Variants in C10orf53 observed in about 807,000 individuals in gnomAD.
C10orf53 encodes UPF0728 protein C10orf53.
C10orf53 carries 8 observed loss-of-function variants against 9.4 expected under a neutral mutation model. The ratio of observed to expected loss-of-function variants is 0.85; its 90% CI spans 0.50 to 1.53. C10orf53 has a LOEUF of 1.53. Among genes scored for constraint, C10orf53 ranks in the 40% most tolerant of loss-of-function variants. The probability of loss-of-function intolerance (pLI) is 0.00; values close to 1 mark genes in which losing one functional copy is unlikely to be tolerated. For missense variants in C10orf53, 117 were observed against 117.8 expected (o/e 0.99, Z 0.03); for synonymous variants, 48 against 46.0 (o/e 1.04, Z -0.18).
exon 3 of C10orf53, chr10:49,708,564 C>A (rs770010092): frequency 8.1e-6 from 13 of 1,614,202 alleles, no homozygotes; most frequent in Non-Finnish European, 1.0e-5. Flanking sequence ...TTGGCCAGGC[C>A]TGGATCACAT....
chr10:49,682,788 C>T (rs1202710673), intron 1 of C10orf53, among the ~76,000 whole-genome samples: 2 of 151,598 alleles, frequency 1.3e-5, no homozygotes, highest in African/African-American at 4.9e-5. Context: ...CAAGTCCCCA[C>T]CCGACCCAGA....
At chr10:49,690,378 CAG>C (rs1162462987) in intron 1 of C10orf53, among the ~76,000 whole-genome samples, 2 of 152,214 alleles carry the variant, frequency 1.3e-5, no homozygotes, top group East Asian at 1.9e-4. Context: ...GCACAGCAGG[CAG>C]AGAGTGGTAC....
chr10:49,706,367 G>A (rs914179345), intron 2 of C10orf53, among the ~76,000 whole-genome samples: 1 of 152,202 alleles, frequency 6.6e-6, no homozygotes, highest in African/African-American at 2.4e-5. Context: ...TAAGCAAAAT[G>A]TGGTCTATCC....
At chr10:49,702,290 G>A (rs1334349300), downstream of C10orf53, among the ~76,000 whole-genome samples, 1 of 152,062 alleles carries the variant, frequency 6.6e-6, no homozygotes, top group African/African-American at 2.4e-5. Context: ...AGTTGGGGTG[G>A]TTAATTGTAT....
intron 1 of C10orf53, among the ~76,000 whole-genome samples, chr10:49,680,982 T>C (rs1840474202): frequency 6.6e-6 from 1 of 152,200 alleles, no homozygotes; most frequent in African/African-American, 2.4e-5. Context: ...TTCTTGACTT[T>C]AGCATGGGTT....
At chr10:49,684,037 C>T (rs1220176707) in intron 1 of C10orf53, among the ~76,000 whole-genome samples, 8 of 152,152 alleles carry the variant, frequency 5.3e-5, no homozygotes, top group Non-Finnish European at 1.5e-5. Flanking sequence ...ATGTAAGGGT[C>T]CAAATTCATT....
Position 49,694,650 on chromosome 10 carries a change from C to T in C10orf53, c.*48C>T, listed in dbSNP as rs1840617880. The T allele has an allele frequency of 6.2e-7, 1 of 1,613,558 alleles. No homozygotes were observed. ...CAAGTCGGCACAACAGCAGCTGCCC[C>T]AGCCATTCTATGATGCAGGCAGAAG... On this transcript the variant is annotated 3_prime_UTR_variant, in exon 3 of 3. Coordinates refer to ENST00000374111, the MANE Select transcript of C10orf53 (RefSeq NM_001042427.3).
chr10:49,699,983 G>C (rs113036858), downstream of C10orf53, among the ~76,000 whole-genome samples: 1 of 152,188 alleles, frequency 6.6e-6, no homozygotes, highest in Admixed American at 6.5e-5. Context: ...CTTTGTGAGC[G>C]TGCATGTCCC....
chr10:49,686,938 C>A (rs1424982625), intron 1 of C10orf53, among the ~76,000 whole-genome samples: 2 of 152,186 alleles, frequency 1.3e-5, no homozygotes. Flanking sequence ...GAGTCCCATA[C>A]TGGGAACACA....
At chr10:49,691,119 T>G (rs1686073620) in intron 1 of C10orf53, among the ~76,000 whole-genome samples, 1 of 152,206 alleles carries the variant, frequency 6.6e-6, no homozygotes, top group Non-Finnish European at 1.5e-5. Flanking sequence ...ATCTGACCTT[T>G]CTTTGACTAG....
At chr10:49,698,403 A>C (rs565267172), downstream of C10orf53, among the ~76,000 whole-genome samples, 1 of 152,302 alleles carries the variant, frequency 6.6e-6, no homozygotes, top group South Asian at 2.1e-4. Flanking sequence ...GTGGAGACGA[A>C]GGGAGGACTG....
At chr10:49,684,006 T>C (rs1590638661) in intron 1 of C10orf53, among the ~76,000 whole-genome samples, 1 of 152,200 alleles carries the variant, frequency 6.6e-6, no homozygotes, top group African/African-American at 2.4e-5. Flanking sequence ...CCATTTTGAG[T>C]TAATTTTTGT....
intron 2 of C10orf53, among the ~76,000 whole-genome samples, chr10:49,706,107 T>C (rs936834454): frequency 8.5e-6 from 1 of 118,270 alleles, no homozygotes; most frequent in Non-Finnish European, 1.9e-5. Context: ...CAGGTGTTGG[T>C]TGATGGGGAT....
intron 1 of C10orf53, 151 bp from the exon 2 acceptor site, chr10:49,693,623 C>A (rs1001878446): frequency 4.2e-6 from 4 of 945,314 alleles, no homozygotes; most frequent in African/African-American, 1.6e-5. Context: ...CACCTGGGGC[C>A]AACACCCAGA....
At chr10:49,687,069 G>A (rs1267273924) in intron 1 of C10orf53, among the ~76,000 whole-genome samples, 3 of 152,192 alleles carry the variant, frequency 2.0e-5, no homozygotes, top group Admixed American at 2.0e-4. Context: ...TATTCACTTG[G>A]TTGCTGTAGA....
chr10:49,698,672 T>C (rs890758791), downstream of C10orf53, among the ~76,000 whole-genome samples: 1 of 152,182 alleles, frequency 6.6e-6, no homozygotes, highest in African/African-American at 2.4e-5. Flanking sequence ...CGTGTGGAAC[T>C]ATTCTTCCCA....
At chr10:49,704,617 G>T (rs571634919) in intron 2 of C10orf53, among the ~76,000 whole-genome samples, 1 of 152,058 alleles carries the variant, frequency 6.6e-6, no homozygotes, top group Admixed American at 6.6e-5. Flanking sequence ...GGTGGTGCAC[G>T]CCTGTAATCC....
exon 3 of C10orf53, chr10:49,708,511 T>G (rs766521176): frequency 6.2e-7 from 1 of 1,614,060 alleles, no homozygotes; most frequent in East Asian, 2.2e-5. Context: ...TTGGCCCAGA[T>G]TGGATCATGT....
At chr10:49,701,273 C>T (rs1337189801), downstream of C10orf53, among the ~76,000 whole-genome samples, 1 of 152,120 alleles carries the variant, frequency 6.6e-6, no homozygotes, top group Admixed American at 6.5e-5. Context: ...TCAGCAGAGG[C>T]TGAAATGGTC....
Sources: gnomAD v4.1 joint callset for allele counts (sites outside exome capture counted in the v4.1 genomes callset) on GRCh38, gnomAD v4.1.1 for gene constraint, MANE v1.5 for transcripts, NCBI Gene and HGNC (gene_info 2026-07-23, HGNC 2026-07-21) for gene names.